The following SLC35D4 variants were observed in gnomAD, a reference collection of about 807,000 sequenced individuals.
The protein encoded by SLC35D4 is solute carrier family 35 member D4.
chr18:23,251,152 A>T, the SLC35D4 span, among the ~76,000 whole-genome samples: 1 of 152,194 alleles, frequency 6.6e-6, no homozygotes, highest in East Asian at 1.9e-4. Flanking sequence ...GCTTTGACTG[A>T]TTAAGATTAT....
At chr18:23,276,797 C>T in the SLC35D4 span, among the ~76,000 whole-genome samples, 21 of 152,352 alleles carry the variant, frequency 1.4e-4, no homozygotes, top group African/African-American at 5.1e-4. Context: ...TCCCATTCCC[C>T]TGCCTCCCCT....
chr18:23,408,148 GACAC>G, the SLC35D4 span, among the ~76,000 whole-genome samples: 1,909 of 135,800 alleles, frequency 0.014, 32 homozygotes, highest in Admixed American at 0.044. Context: ...ACTGGCCTGA[GACAC>G]ACACACACAC....
At chr18:23,296,281 C>G in the SLC35D4 span, 1 of 152,046 alleles carries the variant, frequency 6.6e-6, no homozygotes, top group South Asian at 2.1e-4. Context: ...TATTTTGACT[C>G]CTACAAAGGC....
At chr18:23,274,560 G>A in the SLC35D4 span, among the ~76,000 whole-genome samples, 3 of 152,166 alleles carry the variant, frequency 2.0e-5, no homozygotes, top group African/African-American at 7.2e-5. Flanking sequence ...TCACATACGT[G>A]CTGGACAGGA....
chr18:23,378,506 G>A, the SLC35D4 span, among the ~76,000 whole-genome samples: 2 of 152,134 alleles, frequency 1.3e-5, no homozygotes, highest in African/African-American at 4.8e-5. Context: ...CAGACTGGAG[G>A]AATATAAACT....
chr18:23,364,199 A>T, the SLC35D4 span, among the ~76,000 whole-genome samples: 1 of 152,196 alleles, frequency 6.6e-6, no homozygotes, highest in African/African-American at 2.4e-5. Context: ...GGGACCTTAG[A>T]AAGCAGCCAA....
At chr18:23,417,133 T>C in the SLC35D4 span, among the ~76,000 whole-genome samples, 2 of 151,882 alleles carry the variant, frequency 1.3e-5, no homozygotes, top group African/African-American at 2.4e-5. Flanking sequence ...TCCCAGTCAC[T>C]TGGGAAACTG....
chr18:23,346,109 A>C, the SLC35D4 span, among the ~76,000 whole-genome samples: 1 of 152,106 alleles, frequency 6.6e-6, no homozygotes, highest in African/African-American at 2.4e-5. Context: ...CTCTACAAAA[A>C]AAAAAATATT....
At chr18:23,315,026 G>A in the SLC35D4 span, among the ~76,000 whole-genome samples, 1 of 152,152 alleles carries the variant, frequency 6.6e-6, no homozygotes, top group Non-Finnish European at 1.5e-5. Context: ...TGGTGGTGGT[G>A]GGGGGTGTTG....
At chr18:23,253,016 C>A in the SLC35D4 span, 1 of 1,613,908 alleles carries the variant, frequency 6.2e-7, no homozygotes, top group Non-Finnish European at 8.5e-7. Flanking sequence ...TGAACGAGAC[C>A]TTCAAGGAGA....
the SLC35D4 span, among the ~76,000 whole-genome samples, chr18:23,303,512 C>T: frequency 1.3e-5 from 2 of 152,318 alleles, no homozygotes; most frequent in East Asian, 1.9e-4. Flanking sequence ...TTAGCTCTCA[C>T]GTTCAGTTCA....
At chr18:23,344,704 C>A in the SLC35D4 span, among the ~76,000 whole-genome samples, 1 of 151,420 alleles carries the variant, frequency 6.6e-6, no homozygotes, top group Middle Eastern at 3.4e-3. Context: ...TGGGTTCATG[C>A]CATTTTCCTG....
the SLC35D4 span, among the ~76,000 whole-genome samples, chr18:23,419,108 G>T: frequency 6.6e-6 from 1 of 152,142 alleles, no homozygotes; most frequent in Admixed American, 6.5e-5. Context: ...TGCTCATTCA[G>T]CTGGGATGTT....
the SLC35D4 span, among the ~76,000 whole-genome samples, chr18:23,436,979 A>G: frequency 6.6e-6 from 1 of 151,698 alleles, no homozygotes; most frequent in Non-Finnish European, 1.5e-5. Context: ...CCGCAGTAAG[A>G]CCCCACAGTG....
chr18:23,321,037 A>G, the SLC35D4 span, among the ~76,000 whole-genome samples: 3 of 152,156 alleles, frequency 2.0e-5, no homozygotes, highest in Non-Finnish European at 2.9e-5. Flanking sequence ...GGTCAATATG[A>G]CTGCCTAAAC....
the SLC35D4 span, chr18:23,385,041 A>T: frequency 1.2e-6 from 2 of 1,613,506 alleles, no homozygotes; most frequent in African/African-American, 2.7e-5. Context: ...CAGCTACATT[A>T]TGCAAAGTGA....
At chr18:23,262,387 AT>A in the SLC35D4 span, among the ~76,000 whole-genome samples, 1 of 152,212 alleles carries the variant, frequency 6.6e-6, no homozygotes, top group African/African-American at 2.4e-5. Context: ...CAGCGTTAGG[AT>A]GGTGGCAAGT....
chr18:23,376,649 G>A, the SLC35D4 span, among the ~76,000 whole-genome samples: 1 of 152,180 alleles, frequency 6.6e-6, no homozygotes, highest in African/African-American at 2.4e-5. Flanking sequence ...TATCCTGATG[G>A]GTTTGGTGTC....
chr18:23,380,009 A>G, the SLC35D4 span, among the ~76,000 whole-genome samples: 2 of 152,158 alleles, frequency 1.3e-5, no homozygotes, highest in African/African-American at 4.8e-5. Flanking sequence ...AGGCAGGAGA[A>G]TCGCTTAGAA....
Sources: gnomAD v4.1 joint callset for allele counts (sites outside exome capture counted in the v4.1 genomes callset) on GRCh38, gnomAD v4.1.1 for gene constraint, MANE v1.5 for transcripts, NCBI Gene and HGNC (gene_info 2026-07-23, HGNC 2026-07-21) for gene names.